Variants in RBFOX1 observed in about 807,000 individuals in gnomAD.
RBFOX1 encodes the protein RNA binding protein fox-1 homolog 1.
In RBFOX1, 8 loss-of-function variants were observed where a neutral mutation model predicts 57.7. The ratio of observed to expected loss-of-function variants is 0.14; its 90% CI spans 0.08 to 0.25. The LOEUF (loss-of-function observed/expected upper bound fraction) is 0.25, where lower values mean the gene tolerates loss of function less well. Among genes scored for constraint, RBFOX1 ranks in the 10% least tolerant of loss-of-function variants. RBFOX1 has a pLI of 1.00. For synonymous variants in RBFOX1, 326 were observed against 222.4 expected, an observed-to-expected ratio of 1.47 and a Z score of -4.15; for missense variants, 611 against 548.5, an observed-to-expected ratio of 1.11 and a Z score of -1.14.
In RBFOX1 at chr16:5,581,088, C is replaced by T. The variant is rs576109376; in HGVS notation, c.259-17814C>T. 6.2e-4 allele frequency among the ~76,000 whole-genome samples: 95 copies of T among 152,238 alleles called. 2 individuals carry two copies. The highest frequency in any genetic ancestry group is 3.1e-3 in the Admixed American group (48 of 15,298). On this transcript the variant is annotated intron_variant, in intron 2 of 2. Coordinates refer to the RBFOX1 transcript ENST00000585867. ...GTCTTCTTAGGTAAATGCAAATATC[C>T]ACGTAGCCACCATTGTAGATGGCAC...
chr16:7,276,683 A>G (rs888016030), intron 4 of RBFOX1, among the ~76,000 whole-genome samples: 5 of 152,194 alleles, frequency 3.3e-5, no homozygotes, highest in African/African-American at 1.2e-4. Context: ...GTTCATCATT[A>G]TTCTGCACTG....
chr16:7,639,793 T>G lies in RBFOX1; in HGVS notation c.757+9110T>G, dbSNP rs146932975. Among the ~76,000 whole-genome samples, 292 of 152,260 alleles carry G rather than the reference T, an allele frequency of 1.9e-3. 1 individual carries two copies. The highest frequency in any genetic ancestry group is 6.7e-3 in the African/African-American group (280 of 41,556). ...GTGCCCTTTGCTACTGAGACCCTAT[T>G]TGCTTCACCAAACCCATGGATTGAG... On this transcript the variant is annotated intron_variant, in intron 11 of 15. Coordinates refer to ENST00000550418, the MANE Select transcript of RBFOX1 (RefSeq NM_018723.4).
At chr16:7,060,782 C>G (rs970497292) in intron 4 of RBFOX1, among the ~76,000 whole-genome samples, 3 of 152,160 alleles carry the variant, frequency 2.0e-5, no homozygotes, top group Admixed American at 2.0e-4. Flanking sequence ...TTCCAGAATT[C>G]TCCCCTCACT....
intron 14 of RBFOX1, among the ~76,000 whole-genome samples, chr16:7,708,535 A>C (rs1465806192): frequency 6.6e-6 from 1 of 152,196 alleles, no homozygotes; most frequent in Non-Finnish European, 1.5e-5. Context: ...CAGACCCTTT[A>C]AGGCTGCTTC....
At chr16:6,776,012 G>A (rs2079269903) in intron 3 of RBFOX1, 1 of 152,146 alleles carries the variant, frequency 6.6e-6, no homozygotes, top group Non-Finnish European at 1.5e-5. Context: ...TCTTTCCCAG[G>A]TTAGTAAGAA....
At chr16:6,758,756 G>C (rs145345865) in intron 3 of RBFOX1, among the ~76,000 whole-genome samples, 1 of 152,202 alleles carries the variant, frequency 6.6e-6, no homozygotes, top group East Asian at 1.9e-4. Context: ...CCTGACTACA[G>C]GTCTTTTAAA....
At chr16:5,885,058 G>T (rs1160514587) in intron 4 of RBFOX1, among the ~76,000 whole-genome samples, 7 of 152,172 alleles carry the variant, frequency 4.6e-5, no homozygotes, top group Admixed American at 3.3e-4. Context: ...TCTGAGGCCA[G>T]ATGGTCTTCG....
At chr16:5,580,976 A>C (rs533762941) in intron 2 of RBFOX1, among the ~76,000 whole-genome samples, 74 of 152,042 alleles carry the variant, frequency 4.9e-4, no homozygotes, top group African/African-American at 1.7e-3. Context: ...CTTTATCTCA[A>C]CTCTTCAGGA....
chr16:6,469,555 C>T (rs886443012), intron 2 of RBFOX1, among the ~76,000 whole-genome samples: 10 of 152,178 alleles, frequency 6.6e-5, no homozygotes, highest in African/African-American at 1.2e-4. Context: ...TGCAAATGCT[C>T]GGAGGTATCT....
chr16:7,539,997 C>G (rs2082496694), intron 5 of RBFOX1, among the ~76,000 whole-genome samples: 1 of 152,210 alleles, frequency 6.6e-6, no homozygotes, highest in Admixed American at 6.5e-5. Flanking sequence ...TTGAACCTCA[C>G]TAAGCCCTAA....
chr16:7,165,144 C>A (rs749404236), intron 4 of RBFOX1, among the ~76,000 whole-genome samples: 6 of 152,084 alleles, frequency 3.9e-5, no homozygotes, highest in African/African-American at 9.7e-5. Flanking sequence ...TCTGCTGGGT[C>A]CCTACTTGTG....
intron 3 of RBFOX1, among the ~76,000 whole-genome samples, chr16:6,995,273 A>G (rs971349428): frequency 2.1e-5 from 3 of 140,760 alleles, no homozygotes; most frequent in Non-Finnish European, 3.1e-5. Flanking sequence ...CAAAATGACT[A>G]TGATCTGAAA....
intron 1 of RBFOX1, among the ~76,000 whole-genome samples, chr16:6,234,827 A>G (rs1268053226): frequency 6.6e-6 from 1 of 152,062 alleles, no homozygotes; most frequent in East Asian, 1.9e-4. Context: ...ACACACACAC[A>G]CACACACAGG....
rs148050024 is a variant in RBFOX1, at chr16:7,112,337, G to A, written c.27+60239G>A. Among the ~76,000 whole-genome samples, 7 of 151,800 alleles carry A rather than the reference G, an allele frequency of 4.6e-5. No individual in the cohort carries two copies. In the South Asian group the frequency reaches 6.3e-4, roughly 14 times the overall value. The stretch of plus-strand genomic sequence containing the variant: ...CCAGCCTCAGACTCCAAAGTATCTG[G>A]GACTACAGGCACATGCCACCACACC... On this transcript the variant is annotated intron_variant, in intron 4 of 15. Transcript: ENST00000550418.
At chr16:7,561,527 T>C (rs2090371442) in intron 5 of RBFOX1, among the ~76,000 whole-genome samples, 1 of 152,230 alleles carries the variant, frequency 6.6e-6, no homozygotes, top group Non-Finnish European at 1.5e-5. Flanking sequence ...TTGCAGAAAT[T>C]GTGCAGTTTA....
chr16:5,547,376 G>A (rs2045254447), intron 2 of RBFOX1, among the ~76,000 whole-genome samples: 1 of 152,180 alleles, frequency 6.6e-6, no homozygotes, highest in South Asian at 2.1e-4. Flanking sequence ...TCAGGTGAAT[G>A]TAGAAAACAA....
At chr16:7,494,433 C>T (rs1339837922) in intron 4 of RBFOX1, among the ~76,000 whole-genome samples, 3 of 152,264 alleles carry the variant, frequency 2.0e-5, no homozygotes, top group East Asian at 3.9e-4. Flanking sequence ...CAACATGCTC[C>T]TTTCCTCCCA....
chr16:6,926,708 C>T (rs1017884263), intron 3 of RBFOX1, among the ~76,000 whole-genome samples: 7 of 152,082 alleles, frequency 4.6e-5, no homozygotes, highest in Admixed American at 1.3e-4. Context: ...CTCTTCTTCC[C>T]GTTAATTCGT....
intron 4 of RBFOX1, among the ~76,000 whole-genome samples, chr16:7,461,703 T>C (rs1454488257): frequency 2.0e-5 from 3 of 152,196 alleles, no homozygotes; most frequent in African/African-American, 7.2e-5. Flanking sequence ...GAAGATGATA[T>C]GATAATCCAC....
Sources: gnomAD v4.1 joint callset for allele counts (sites outside exome capture counted in the v4.1 genomes callset) on GRCh38, gnomAD v4.1.1 for gene constraint, MANE v1.5 for transcripts, NCBI Gene and HGNC (gene_info 2026-07-23, HGNC 2026-07-21) for gene names.